Variants in ESPL1 observed in about 807,000 individuals in gnomAD.
ESPL1 encodes the protein extra spindle pole bodies like 1, separase, also known as separin.
Under a neutral mutation model 217.2 loss-of-function variants are expected in ESPL1, and 50 were observed. That is an observed-to-expected ratio of 0.23 (90% CI 0.18 to 0.29). The LOEUF is 0.29. Ranked by LOEUF, ESPL1 falls within the 10% of genes least tolerant of loss-of-function variation. ESPL1 has a pLI of 1.00. For missense variants in ESPL1, 1,834 were observed against 2,603.0 expected, an observed-to-expected ratio of 0.70 and a Z score of 6.43; for synonymous variants, 994 against 1,081.3, an observed-to-expected ratio of 0.92 and a Z score of 1.58.
In ESPL1 at chr12:53,291,977, T is replaced by C. The variant is rs753275896; in HGVS notation, c.5692-7T>C. 6.2e-7 allele frequency: 1 copy of C among 1,613,648 alleles called. No homozygotes were observed. The highest frequency in any genetic ancestry group is 1.3e-5 in the African/African-American group (1 of 75,034). ...GGGACAGTAACCTCTTAGTGCTTTTTGCCCAGGACTTGCAGAAGCTGCCGT... is the reference window on the plus strand; with the variant it reads ...GGGACAGTAACCTCTTAGTGCTTTTCGCCCAGGACTTGCAGAAGCTGCCGT... On this transcript the variant is annotated splice_polypyrimidine_tract_variant and splice_region_variant and intron_variant, in intron 26 of 30. Coordinates refer to ENST00000257934, the MANE Select transcript of ESPL1 (RefSeq NM_012291.5).
intron 17 of ESPL1, among the ~76,000 whole-genome samples, chr12:53,284,682 T>A (rs567088964): frequency 4.6e-5 from 7 of 152,210 alleles, no homozygotes; most frequent in Middle Eastern, 3.4e-3. Context: ...TAGTTTTCAG[T>A]GCTTCCTAAT....
intron 23 of ESPL1, 64 bp from the exon 24 acceptor site, chr12:53,290,283 T>C: frequency 6.2e-7 from 1 of 1,610,632 alleles, no homozygotes; most frequent in South Asian, 1.1e-5. Flanking sequence ...ACATTCTGTG[T>C]TGAGGGAGGG....
At chr12:53,285,789 C>CAT in intron 17 of ESPL1, 135 bp from the exon 18 acceptor site, 2 of 578,146 alleles carry the variant, frequency 3.5e-6, no homozygotes, top group South Asian at 3.4e-5. Context: ...TACAGTAATA[C>CAT]ATATATATAC....
rs753939853 is a variant in ESPL1 at position 53,270,363 on chromosome 12, C to T, written c.1144-15C>T. On this transcript the variant is annotated splice_polypyrimidine_tract_variant and intron_variant, in intron 3 of 30. Transcript: ENST00000257934. Reference sequence around the variant, plus strand: ...ATCTCTACTCCTCATACCAACCTTCCGCTTCCTTCCTCAGGTGTATGGGGG... The same window carrying T: ...ATCTCTACTCCTCATACCAACCTTCTGCTTCCTTCCTCAGGTGTATGGGGG... 8.9e-6 allele frequency: 14 copies of T among 1,575,692 alleles called. No individual in the cohort carries two copies. Among genetic ancestry groups the T allele is most frequent in the South Asian group, 2.2e-5 (2 of 90,316 alleles).
rs1943995699 is a variant in ESPL1 at position 53,288,537 on chromosome 12, G to C, written c.4547-1G>C. The C allele has an allele frequency of 6.2e-7, 1 of 1,609,054 alleles. No individual in the cohort carries two copies. The highest frequency in any genetic ancestry group is 1.3e-5 in the African/African-American group (1 of 74,690). On this transcript the variant is annotated splice_acceptor_variant, in intron 19 of 30. Transcript: ENST00000257934. LOFTEE classifies it high-confidence loss of function. ...GTGAAAAAGGCCTGCTCTCTCCCCA[G>C]GTGGGAAGACTCCAGCTCCGGGCCC...
Position 53,270,709 on chromosome 12 carries a change from T to C in ESPL1, c.1280T>C (p.Val427Ala), listed in dbSNP as rs1360101411. The change falls in exon 5 of 31, where the codon GTG (valine) becomes GCG (alanine). Residue 427 changes from valine to alanine, a missense_variant. Coordinates refer to ENST00000257934, the MANE Select transcript of ESPL1 (RefSeq NM_012291.5). ...GATTTGGCTGACCTGACCCAACTAG[T>C]GGACAGTTGTAAATCTACCGTTGTC... ...IVDLADLTQL[V>A]DSCKSTVVWM... 5.0e-6 allele frequency: 8 copies of C among 1,614,128 alleles called. No homozygotes were observed. In the East Asian group the frequency reaches 1.3e-4, roughly 27 times the overall value.
At chr12:53,283,639 G>T (rs2120950256) in intron 16 of ESPL1, 101 bp downstream of exon 16, 2 of 1,194,018 alleles carry the variant, frequency 1.7e-6, no homozygotes, top group African/African-American at 1.5e-5. Context: ...GCTATGTTTA[G>T]ATACATTCGT....
At position 53,289,222 on chromosome 12, in the gene ESPL1, A is replaced by T. The variant is rs758460892; in HGVS notation, c.4841A>T (p.Tyr1614Phe). 1 of 1,613,518 alleles carries T rather than the reference A, an allele frequency of 6.2e-7. No homozygotes were observed. Among genetic ancestry groups the T allele is most frequent in the Non-Finnish European group, 8.5e-7 (1 of 1,180,016 alleles). Residue 1614 changes from tyrosine to phenylalanine, a missense_variant, in exon 21 of 31, where the codon TAT becomes TTT. Coordinates refer to ENST00000257934, the MANE Select transcript of ESPL1 (RefSeq NM_012291.5). ...LALCLGHRDP[Y>F]ATAFLVTESV... Reference sequence around the variant, plus strand: ...TTGTGCCTGGGCCACCGGGATCCTTATGCCACTGCTTTCCTTGTCACCGAG... The same window carrying T: ...TTGTGCCTGGGCCACCGGGATCCTTTTGCCACTGCTTTCCTTGTCACCGAG...
At chr12:53,274,365 G>A (rs1294146559) in intron 6 of ESPL1, 13 of 160,058 alleles carry the variant, frequency 8.1e-5, no homozygotes, top group Non-Finnish European at 1.8e-4. Flanking sequence ...CGGGTAATCA[G>A]GCTGCTATAG....
chr12:53,292,855 C>T lies in ESPL1; in HGVS notation c.6046C>T (p.Leu2016=), dbSNP rs1944086369. The stretch of plus-strand genomic sequence containing the variant: ...CCGCTTCCTTGATGGGCAGGCTGTC[C>T]TGCGGCTGAGCTGTCGGGCAGTGGC... ...GARFLDGQAV[L]RLSCRAVALL... The change falls in exon 30 of 31, where the codon CTG becomes TTG. Residue 2016 remains leucine, a synonymous_variant. Coordinates refer to ENST00000257934, the MANE Select transcript of ESPL1 (RefSeq NM_012291.5). The surrounding 1 kb of genome is among the most constrained non-coding windows in gnomAD (Gnocchi z 4.5). The T allele has an allele frequency of 1.9e-6, 3 of 1,612,458 alleles. No homozygotes were observed. Among genetic ancestry groups the T allele is most frequent in the African/African-American group, 2.7e-5 (2 of 74,938 alleles).
At chr12:53,279,473 A>G (rs1472223935) in intron 11 of ESPL1, among the ~76,000 whole-genome samples, 1 of 152,220 alleles carries the variant, frequency 6.6e-6, no homozygotes. Flanking sequence ...TATGAAGGTT[A>G]AATGCACTGA....
In ESPL1 at chr12:53,269,698, G is replaced by A. The variant is rs1196755988; in HGVS notation, c.756G>A (p.Leu252=). Residue 252 remains leucine (L), a synonymous_variant, in exon 3 of 31, where the codon TTG becomes TTA. Coordinates refer to ENST00000257934, the MANE Select transcript of ESPL1 (RefSeq NM_012291.5). This position sits in a 1 kb window ranked among gnomAD's most constrained non-coding sequence, Gnocchi z 6.7. The part of the protein sequence containing the change: ...LLSPQRALCL[L]ELTLEHCRRF... ...CTCCCCAGAGGGCCCTCTGCCTCTTGGAGCTCACCTTGGAACACTGCCGTC... is the reference window on the plus strand; with the variant it reads ...CTCCCCAGAGGGCCCTCTGCCTCTTAGAGCTCACCTTGGAACACTGCCGTC... 2 of 1,614,036 alleles carry A rather than the reference G, an allele frequency of 1.2e-6. No homozygotes were observed. The highest frequency in any genetic ancestry group is 1.3e-5 in the African/African-American group (1 of 74,930).
In ESPL1 at chr12:53,288,677, C is replaced by T. The variant is rs1213945122; in HGVS notation, c.4686C>T (p.Leu1562=). 1 of 1,612,922 alleles carries T rather than the reference C, an allele frequency of 6.2e-7. No individual in the cohort carries two copies. Among genetic ancestry groups the T allele is most frequent in the East Asian group, 2.2e-5 (1 of 44,878 alleles). Residue 1562 remains leucine (L), a synonymous_variant, in exon 20 of 31, where the codon CTC becomes CTT. Transcript: ENST00000257934. ...AGGACCTTGGTCCTCGGCTCCGGCT[C>T]CCCTCAGCCCCCGTAGCCACTGGTG... The part of the protein sequence containing the change: ...SDKDLGPRLR[L]PSAPVATGLS...
chr12:53,290,514 C>CG (rs1944035901), intron 24 of ESPL1, 45 bp downstream of exon 24: 3 of 1,604,632 alleles, frequency 1.9e-6, no homozygotes, highest in East Asian at 2.2e-5. Context: ...AGGAATGACC[C>CG]GGGGGGTCCC....
chr12:53,270,209 T>C (rs1423761965), intron 3 of ESPL1, 124 bp downstream of exon 3: 11 of 1,003,800 alleles, frequency 1.1e-5, no homozygotes, highest in Middle Eastern at 6.5e-4. Flanking sequence ...GGACAGTGCC[T>C]AGCGAGCCAG....
rs1178995191 is a variant in ESPL1 at position 53,286,586 on chromosome 12, A to C, written c.3850A>C (p.Thr1284Pro). Residue 1284 changes from threonine (T) to proline (P), a missense_variant, in exon 18 of 31, where the codon ACT becomes CCT. Physicochemically the swap from Thr to Pro is conservative, Grantham distance 38. Transcript: ENST00000257934. The surrounding 1 kb of genome is among the most constrained non-coding windows in gnomAD (Gnocchi z 5.3). ...LTKLGGLSCC[T>P]TQLFASSWGW... is the part of the protein sequence containing the mutation. ...AAAACTAGGTGGCCTCAGCTGCTGTACTACCCAACTTTTTGCAAGCTCCTG... is the reference window on the plus strand; with the variant it reads ...AAAACTAGGTGGCCTCAGCTGCTGTCCTACCCAACTTTTTGCAAGCTCCTG... 1 of 1,614,018 alleles carries C rather than the reference A, an allele frequency of 6.2e-7. No homozygotes were observed. Among genetic ancestry groups the C allele is most frequent in the Non-Finnish European group, 8.5e-7 (1 of 1,180,024 alleles).
At chr12:53,271,671 G>A (rs550321669) in intron 5 of ESPL1, among the ~76,000 whole-genome samples, 2 of 151,596 alleles carry the variant, frequency 1.3e-5, no homozygotes, top group African/African-American at 4.8e-5. Context: ...CAACAAGAGC[G>A]AAACTCCATC....
chr12:53,272,218 T>G (rs1943689003), intron 5 of ESPL1, among the ~76,000 whole-genome samples: 1 of 152,104 alleles, frequency 6.6e-6, no homozygotes, highest in Non-Finnish European at 1.5e-5. Context: ...GGGGAAAAGA[T>G]AAACAGATTC....
At position 53,269,518 on chromosome 12, in the gene ESPL1, T is replaced by G. The variant is rs771106059; in HGVS notation, c.576T>G (p.Ser192=). 6.2e-7 allele frequency: 1 copy of G among 1,614,096 alleles called. No individual in the cohort carries two copies. Among genetic ancestry groups the G allele is most frequent in the African/African-American group, 1.3e-5 (1 of 74,936 alleles). Residue 192 remains serine, a synonymous_variant, in exon 3 of 31, where the codon TCT becomes TCG. Transcript: ENST00000257934. The surrounding 1 kb of genome is among the most constrained non-coding windows in gnomAD (Gnocchi z 6.7). ...STPCEVPHFA[S]PTACRAVAAH... ...CTTGTGAGGTTCCTCACTTTGCTTC[T>G]CCAACAGCCTGTCGAGCGGTAGCTG... is the stretch of plus-strand genomic sequence containing the variant.
Sources: gnomAD v4.1 joint callset for allele counts (sites outside exome capture counted in the v4.1 genomes callset) on GRCh38, gnomAD v4.1.1 for gene constraint, Gnocchi (gnomAD v3.1) non-coding constraint, MANE v1.5 for transcripts, NCBI Gene and HGNC (gene_info 2026-07-23, HGNC 2026-07-21) for gene names.